The following PDZD8 variants were observed in gnomAD, a reference collection of about 807,000 sequenced individuals.
PDZD8 encodes PDZ domain-containing protein 8.
In PDZD8, 14 loss-of-function variants were observed where a neutral mutation model predicts 85.8. The ratio of observed to expected loss-of-function variants is 0.16; its 90% CI spans 0.11 to 0.26. The LOEUF (loss-of-function observed/expected upper bound fraction) is 0.26. Among genes scored for constraint, PDZD8 ranks in the 10% least tolerant of loss-of-function variants. The probability of loss-of-function intolerance (pLI) is 1.00; values close to 1 mark genes in which losing one functional copy is unlikely to be tolerated. For synonymous variants in PDZD8, 592 were observed against 568.6 expected, an observed-to-expected ratio of 1.04 and a Z score of -0.59; for missense variants, 1,197 against 1,424.3, an observed-to-expected ratio of 0.84 and a Z score of 2.57.
intron 1 of PDZD8, among the ~76,000 whole-genome samples, chr10:117,365,760 G>A (rs1392835878): frequency 6.6e-6 from 1 of 152,130 alleles, no homozygotes; most frequent in African/African-American, 2.4e-5. Context: ...CAGGTAGTTG[G>A]CTTTAAAACT....
intron 4 of PDZD8, 84 bp downstream of exon 4, chr10:117,290,102 G>C: frequency 8.2e-7 from 1 of 1,217,190 alleles, no homozygotes; most frequent in Admixed American, 2.6e-5. Context: ...ATAGAAATAA[G>C]GAAAAAGGAA....
chr10:117,375,286 G>A lies in PDZD8; in HGVS notation c.-59C>T. ...GCGCCCACAGCGCCGCTTTCTTCACGCCGCCGCCCCCGCTGCCTCCATTTT... is the reference window on the plus strand; with the variant it reads ...GCGCCCACAGCGCCGCTTTCTTCACACCGCCGCCCCCGCTGCCTCCATTTT... On this transcript the variant is annotated 5_prime_UTR_variant, in exon 1 of 5. Transcript: ENST00000334464. 7.3e-7 allele frequency: 1 copy of A among 1,377,174 alleles called. No homozygotes were observed. Among genetic ancestry groups the A allele is most frequent in the African/African-American group, 1.5e-5 (1 of 66,336 alleles). The allele number at this position is 1,377,174 out of a possible 1,614,324, so 85.3% of individuals were successfully genotyped here.
At chr10:117,340,045 T>C (rs948291006) in intron 2 of PDZD8, among the ~76,000 whole-genome samples, 1 of 152,182 alleles carries the variant, frequency 6.6e-6, no homozygotes, top group African/African-American at 2.4e-5. Context: ...GCTAGTATAG[T>C]AAGTAGCTCA....
chr10:117,278,906 G>A lies in PDZD8; in HGVS notation c.*4362C>T, dbSNP rs373214014. The A allele has an allele frequency of 5.9e-5, 9 of 152,290 alleles. 1 individual carries two copies. The South Asian group carries it at 1.9e-3, about 32-fold the overall frequency. 9.4% of individuals were successfully genotyped at this position (152,290 alleles called of 1,614,324 possible). A position where few individuals can be genotyped will look rare whatever the true frequency, so the allele number is the denominator to read the frequency against. ...AGGAAACTCTCATATGGCTAAAAAG[G>A]CAGGCTAGTTTCTTACTTCTACAGG... is the stretch of plus-strand genomic sequence containing the variant. On this transcript the variant is annotated 3_prime_UTR_variant, in exon 5 of 5. Transcript: ENST00000334464.
chr10:117,300,980 C>A (rs1843837481), intron 3 of PDZD8, among the ~76,000 whole-genome samples: 1 of 152,158 alleles, frequency 6.6e-6, no homozygotes, highest in Admixed American at 6.5e-5. Context: ...AAGGCAGCAA[C>A]TAAAAATCAT....
intron 3 of PDZD8, among the ~76,000 whole-genome samples, chr10:117,318,038 A>G (rs2490631): frequency 0.77 from 116,913 of 152,102 alleles, 45,592 homozygotes; most frequent in Non-Finnish European, 0.85. Context: ...AATAAATCAG[A>G]AACAATTTAA....
chr10:117,367,640 G>A (rs988292189), intron 1 of PDZD8, among the ~76,000 whole-genome samples: 9 of 152,096 alleles, frequency 5.9e-5, no homozygotes, highest in African/African-American at 1.9e-4. Flanking sequence ...AGTACACTTA[G>A]GTGTGCTAAG....
At chr10:117,366,056 C>A (rs1361994660) in intron 1 of PDZD8, among the ~76,000 whole-genome samples, 1 of 151,776 alleles carries the variant, frequency 6.6e-6, no homozygotes, top group African/African-American at 2.4e-5. Flanking sequence ...AAAAAAGAAT[C>A]AAAAAGACAT....
In PDZD8 at chr10:117,333,130, A is replaced by AAAAAAAAC. The variant is rs1417025884; in HGVS notation, c.995+7849_995+7850insGTTTTTTT. ...TGGACTCTGTCTCAAAAAAAAAAAA[A>AAAAAAAAC]AAAAAAAAAAAAAGGGGATATGGAG... On this transcript the variant is annotated intron_variant, in intron 2 of 4. Coordinates refer to ENST00000334464, the MANE Select transcript of PDZD8 (RefSeq NM_173791.5). Among the ~76,000 whole-genome samples, 14 of 149,038 alleles carry AAAAAAAAC rather than the reference A, an allele frequency of 9.4e-5. 1 individual carries two copies. Among genetic ancestry groups the AAAAAAAAC allele is most frequent in the Non-Finnish European group, 1.6e-4 (11 of 67,210 alleles).
intron 1 of PDZD8, among the ~76,000 whole-genome samples, chr10:117,371,887 G>A (rs924597878): frequency 6.6e-6 from 1 of 152,150 alleles, no homozygotes; most frequent in African/African-American, 2.4e-5. Flanking sequence ...AAGCTGCCGT[G>A]AGCCATGATC....
chr10:117,295,216 T>C (rs894450237), intron 3 of PDZD8, among the ~76,000 whole-genome samples: 2 of 152,018 alleles, frequency 1.3e-5, no homozygotes, highest in African/African-American at 4.8e-5. Flanking sequence ...TGGTAGACCA[T>C]AAAACATGGT....
At chr10:117,362,877 AC>A (rs1845021852) in intron 1 of PDZD8, among the ~76,000 whole-genome samples, 1 of 91,182 alleles carries the variant, frequency 1.1e-5, no homozygotes, top group Non-Finnish European at 2.0e-5. Flanking sequence ...AAACAAAAGG[AC>A]ACATATTTTA....
In PDZD8 at chr10:117,319,392, A is replaced by AACACACACACAC. The variant is rs199983551; in HGVS notation, c.996-430_996-419dup. ...CTAAAGTGCAATATAATTGCTCATA[A>AACACACACACAC]ACACACACACACACACACACACACA... On this transcript the variant is annotated intron_variant, in intron 2 of 4. Transcript: ENST00000334464. Among the ~76,000 whole-genome samples, 211 of 101,812 alleles carry AACACACACACAC rather than the reference A, an allele frequency of 2.1e-3. 1 individual carries two copies. Among genetic ancestry groups the AACACACACACAC allele is most frequent in the Non-Finnish European group, 3.0e-3 (135 of 44,460 alleles). 66.8% of individuals were successfully genotyped at this position (101,812 alleles called of 152,430 possible).
In PDZD8 at chr10:117,282,359, T is replaced by C. The variant is rs1844585991; in HGVS notation, c.*909A>G. The C allele has an allele frequency of 6.6e-6, 1 of 152,196 alleles. No individual in the cohort carries two copies. The highest frequency in any genetic ancestry group is 1.5e-5 in the Non-Finnish European group (1 of 68,024). 9.4% of individuals were successfully genotyped at this position (152,196 alleles called of 1,614,324 possible). The stretch of plus-strand genomic sequence containing the variant: ...GGAGAACTGATGAGGAAAATTATCA[T>C]AAATGTTTAAACTTTTAATTATAAA... On this transcript the variant is annotated 3_prime_UTR_variant, in exon 5 of 5. Transcript: ENST00000334464.
At chr10:117,301,303 G>T (rs1454459293) in intron 3 of PDZD8, among the ~76,000 whole-genome samples, 1 of 152,068 alleles carries the variant, frequency 6.6e-6, no homozygotes, top group African/African-American at 2.4e-5. Flanking sequence ...TCATTTTTGA[G>T]GGACCAGTAT....
chr10:117,374,364 G>A lies in PDZD8; in HGVS notation c.864C>T (p.Tyr288=). 2.5e-6 allele frequency: 4 copies of A among 1,613,434 alleles called. No individual in the cohort carries two copies. The highest frequency in any genetic ancestry group is 3.4e-6 in the Non-Finnish European group (4 of 1,179,370). Residue 288 remains tyrosine, a synonymous_variant, in exon 1 of 5, where the codon TAC becomes TAT. Transcript: ENST00000334464. This position sits in a 1 kb window ranked among gnomAD's most constrained non-coding sequence, Gnocchi z 7.8. ...IIKRKHTLPN[Y]KIRFKPFFPY... ...CCCGACCTCCAGCTCACCTGATCTT[G>A]TAATTCGGTAGGGTGTGCTTGCGCT...
At position 117,333,121 on chromosome 10, in the gene PDZD8, A is replaced by AAAAAAC. The variant is rs1191675009; in HGVS notation, c.995+7858_995+7859insGTTTTT. Among the ~76,000 whole-genome samples the AAAAAAC allele has an allele frequency of 1.7e-4, 24 of 137,584 alleles. 2 individuals are homozygous for AAAAAAC. Among genetic ancestry groups the AAAAAAC allele is most frequent in the African/African-American group, 5.9e-4 (20 of 34,130 alleles). 90.3% of individuals were successfully genotyped at this position (137,584 alleles called of 152,430 possible). A position where few individuals can be genotyped will look rare whatever the true frequency, so the allele number is the denominator to read the frequency against. On this transcript the variant is annotated intron_variant, in intron 2 of 4. Coordinates refer to ENST00000334464, the MANE Select transcript of PDZD8 (RefSeq NM_173791.5). Reference sequence around the variant, plus strand: ...ACAGCAGAGTGGACTCTGTCTCAAAAAAAAAAAAAAAAAAAAAAAAAAGGG... The same window carrying AAAAAAC: ...ACAGCAGAGTGGACTCTGTCTCAAAAAAAAACAAAAAAAAAAAAAAAAAAAAAAGGG...
intron 2 of PDZD8, among the ~76,000 whole-genome samples, chr10:117,334,596 T>C (rs1564703590): frequency 6.6e-6 from 1 of 151,950 alleles, no homozygotes; most frequent in Non-Finnish European, 1.5e-5. Flanking sequence ...TATATATATA[T>C]ATGGCTCAAA....
chr10:117,348,559 T>C (rs1844747649), intron 1 of PDZD8, among the ~76,000 whole-genome samples: 1 of 152,186 alleles, frequency 6.6e-6, no homozygotes, highest in South Asian at 2.1e-4. Flanking sequence ...TGGTGAGGCC[T>C]TTCTCCTTGG....
Sources: allele counts gnomAD v4.1 joint callset (sites outside exome capture counted in the v4.1 genomes callset), GRCh38; gene constraint gnomAD v4.1.1; non-coding constraint Gnocchi (gnomAD v3.1); transcripts MANE v1.5; gene names NCBI Gene and HGNC (gene_info 2026-07-23, HGNC 2026-07-21).